CNTNAP5: variants seen among roughly 807,000 people sequenced by gnomAD.
CNTNAP5 encodes the protein contactin associated protein family member 5.
CNTNAP5 carries 72 observed loss-of-function variants against 150.2 expected under a neutral mutation model. The observed-to-expected ratio is 0.48, with a 90% CI of 0.40 to 0.58. The LOEUF (loss-of-function observed/expected upper bound fraction) is 0.58. Among genes scored for constraint, CNTNAP5 ranks in the 20% least tolerant of loss-of-function variants. The pLI is 0.00. For synonymous variants in CNTNAP5, 672 were observed against 619.8 expected, an observed-to-expected ratio of 1.08 and a Z score of -1.25; for missense variants, 1,636 against 1,626.2, an observed-to-expected ratio of 1.01 and a Z score of -0.10.
chr2:124,179,080 AC>A (rs1475002770), intron 1 of CNTNAP5, among the ~76,000 whole-genome samples: 1 of 151,128 alleles, frequency 6.6e-6, no homozygotes, highest in African/African-American at 2.4e-5. Context: ...CCCATTCCAT[AC>A]CCCACCCAGC....
At position 124,886,823 on chromosome 2, in the gene CNTNAP5, T is replaced by C. The variant is rs142545175; in HGVS notation, c.3437-16059T>C. Among the ~76,000 whole-genome samples the C allele has an allele frequency of 7.2e-3, 1,100 of 152,194 alleles. 21 individuals carry two copies. The highest frequency in any genetic ancestry group is 0.057 in the East Asian group (293 of 5,148). On this transcript the variant is annotated intron_variant, in intron 21 of 23. Transcript: ENST00000682447. The stretch of plus-strand genomic sequence containing the variant: ...AGGCATAGTTCCTTACCTTTATAAC[T>C]GACACCTGTGCATGTACTGACCACA...
At chr2:124,434,205 T>C (rs1319736303) in intron 4 of CNTNAP5, among the ~76,000 whole-genome samples, 2 of 152,222 alleles carry the variant, frequency 1.3e-5, no homozygotes, top group Non-Finnish European at 2.9e-5. Context: ...ATTTTCACCC[T>C]GTCCCCTCCA....
At chr2:124,436,981 C>T (rs180911850) in intron 5 of CNTNAP5, among the ~76,000 whole-genome samples, 2 of 152,286 alleles carry the variant, frequency 1.3e-5, no homozygotes, top group Admixed American at 1.3e-4. Flanking sequence ...TAGAGAAACA[C>T]TGCCACAGAT....
intron 21 of CNTNAP5, among the ~76,000 whole-genome samples, chr2:124,887,508 A>G (rs145060593): frequency 2.6e-4 from 40 of 152,254 alleles, no homozygotes; most frequent in Admixed American, 5.2e-4. Flanking sequence ...ACCAGGAATC[A>G]TCATAGCAAC....
intron 2 of CNTNAP5, among the ~76,000 whole-genome samples, chr2:124,234,005 T>C (rs1429162240): frequency 6.6e-6 from 1 of 152,102 alleles, no homozygotes; most frequent in East Asian, 1.9e-4. Flanking sequence ...AAGTATATAC[T>C]GCTCATGAGA....
rs1681017946 is a variant in CNTNAP5 at position 124,764,116 on chromosome 2, C to T, written c.2502C>T (p.Gly834=). The T allele has an allele frequency of 1.9e-6, 3 of 1,612,542 alleles. No homozygotes were observed. The highest frequency in any genetic ancestry group is 1.7e-5 in the Admixed American group (1 of 59,932). The change falls in exon 16 of 24, where the codon GGC becomes GGT. Residue 834 remains glycine (G), a synonymous_variant. Coordinates refer to ENST00000682447, the MANE Select transcript of CNTNAP5 (RefSeq NM_001367498.1). ...ALSGVFLENL[G]IKDFIRLEIS... Reference sequence around the variant, plus strand: ...CCGGAGTTTTCCTAGAAAATCTTGGCATTAAAGACTTCATTCGACTCGAAA... The same window carrying T: ...CCGGAGTTTTCCTAGAAAATCTTGGTATTAAAGACTTCATTCGACTCGAAA...
intron 3 of CNTNAP5, among the ~76,000 whole-genome samples, chr2:124,263,595 G>T (rs1687522537): frequency 1.3e-5 from 2 of 152,098 alleles, no homozygotes; most frequent in South Asian, 4.1e-4. Context: ...CCCTTCTGTA[G>T]GTTGCCTGTT....
chr2:124,906,723 A>C (rs1195243278), intron 22 of CNTNAP5, among the ~76,000 whole-genome samples: 3 of 152,164 alleles, frequency 2.0e-5, no homozygotes, highest in Non-Finnish European at 2.9e-5. Context: ...ATTTTTTAAC[A>C]AATTTGGTAA....
At chr2:124,542,235 C>T (rs1390092701) in intron 10 of CNTNAP5, among the ~76,000 whole-genome samples, 1 of 150,152 alleles carries the variant, frequency 6.7e-6, no homozygotes, top group African/African-American at 2.5e-5. Flanking sequence ...TCTATTTTTA[C>T]CTCCTACTAT....
intron 1 of CNTNAP5, among the ~76,000 whole-genome samples, chr2:124,069,570 A>G (rs1682250014): frequency 6.6e-6 from 1 of 152,108 alleles, no homozygotes; most frequent in African/African-American, 2.4e-5. Flanking sequence ...GGTCTGAACC[A>G]GGATAATTTC....
intron 8 of CNTNAP5, among the ~76,000 whole-genome samples, chr2:124,505,388 A>G (rs1269565629): frequency 2.0e-5 from 3 of 152,146 alleles, no homozygotes; most frequent in African/African-American, 2.4e-5. Flanking sequence ...CCACATTACC[A>G]TGGAAGTTTG....
intron 1 of CNTNAP5, among the ~76,000 whole-genome samples, chr2:124,200,335 G>T: frequency 6.6e-6 from 1 of 152,002 alleles, no homozygotes; most frequent in African/African-American, 2.4e-5. Flanking sequence ...AATTACTGAG[G>T]TCTCTTATTC....
At chr2:124,543,548 G>A (rs1467054991) in intron 10 of CNTNAP5, among the ~76,000 whole-genome samples, 3 of 152,168 alleles carry the variant, frequency 2.0e-5, no homozygotes, top group African/African-American at 4.8e-5. Flanking sequence ...GGATGCTGAT[G>A]TGTCTGTAAC....
rs115305357 is a variant in CNTNAP5 at position 124,792,908 on chromosome 2, A to G, written c.2992+2767A>G. Among the ~76,000 whole-genome samples the G allele has an allele frequency of 2.8e-3, 428 of 152,314 alleles. 5 individuals are homozygous for G. The highest frequency in any genetic ancestry group is 9.2e-3 in the African/African-American group (384 of 41,580). The stretch of plus-strand genomic sequence containing the variant: ...GAGTGTTGCGCAGTGTGAAAGCACC[A>G]CAGTTTGTTTATCCATTCATCCATT... On this transcript the variant is annotated intron_variant, in intron 18 of 23. Transcript: ENST00000682447.
At chr2:124,565,574 C>CTTTTTT (rs776732335) in intron 11 of CNTNAP5, among the ~76,000 whole-genome samples, 3 of 68,502 alleles carry the variant, frequency 4.4e-5, no homozygotes, top group African/African-American at 1.8e-4. Flanking sequence ...TACCTAGATC[C>CTTTTTT]TTTTTTTTTT....
intron 1 of CNTNAP5, among the ~76,000 whole-genome samples, chr2:124,074,289 G>T (rs1338904648): frequency 1.3e-5 from 2 of 152,048 alleles, no homozygotes; most frequent in African/African-American, 4.8e-5. Context: ...GTATAACAGG[G>T]TGACTGTGGT....
At chr2:124,079,509 AT>A (rs10719368) in intron 1 of CNTNAP5, among the ~76,000 whole-genome samples, 52,239 of 151,964 alleles carry the variant, frequency 0.34, 9,000 homozygotes, top group South Asian at 0.43. Context: ...TGAACCCCTG[AT>A]TTTTCCCTTC....
intron 1 of CNTNAP5, among the ~76,000 whole-genome samples, chr2:124,133,314 A>AC (rs1040569687): frequency 3.3e-5 from 5 of 152,104 alleles, no homozygotes; most frequent in African/African-American, 1.2e-4. Flanking sequence ...ACAAAACAAA[A>AC]AAAAAGGTCT....
At chr2:124,535,613 A>G (rs1301582356) in intron 10 of CNTNAP5, among the ~76,000 whole-genome samples, 1 of 151,046 alleles carries the variant, frequency 6.6e-6, no homozygotes, top group African/African-American at 2.4e-5. Flanking sequence ...ATACAAAAAA[A>G]AAAAAAAAAA....
Sources: allele counts gnomAD v4.1 joint callset (sites outside exome capture counted in the v4.1 genomes callset), GRCh38; gene constraint gnomAD v4.1.1; transcripts MANE v1.5; gene names NCBI Gene and HGNC (gene_info 2026-07-23, HGNC 2026-07-21).